Variants in FAM168A observed in about 807,000 individuals in gnomAD.
The protein encoded by FAM168A is protein FAM168A.
In FAM168A, 3 loss-of-function variants were observed where a neutral mutation model predicts 28.5. The observed-to-expected ratio is 0.11, with a 90% CI of 0.05 to 0.27. FAM168A has a LOEUF of 0.27. Among genes scored for constraint, FAM168A ranks in the 10% least tolerant of loss-of-function variants. FAM168A has a pLI of 1.00. For missense variants in FAM168A, 222 were observed against 311.5 expected (o/e 0.71, Z 2.16); for synonymous variants, 122 against 124.2 (o/e 0.98, Z 0.12).
intron 1 of FAM168A, among the ~76,000 whole-genome samples, chr11:73,578,583 G>A (rs1037539281): frequency 5.9e-5 from 9 of 152,116 alleles, no homozygotes; most frequent in Non-Finnish European, 1.2e-4. Context: ...GGGAGGCCAG[G>A]CCAAAGATTT....
At chr11:73,466,828 T>C (rs942867046) in intron 2 of FAM168A, among the ~76,000 whole-genome samples, 13 of 152,114 alleles carry the variant, frequency 8.5e-5, no homozygotes, top group Non-Finnish European at 1.8e-4. Flanking sequence ...TGGGATGCTT[T>C]GGGGAGATTT....
intron 1 of FAM168A, among the ~76,000 whole-genome samples, chr11:73,545,099 C>A (rs1943728662): frequency 7.2e-6 from 1 of 138,608 alleles, no homozygotes. Context: ...AATCTTGGCT[C>A]ACTACAACCT....
At chr11:73,576,787 T>C (rs1397807701) in intron 1 of FAM168A, among the ~76,000 whole-genome samples, 6 of 152,112 alleles carry the variant, frequency 3.9e-5, no homozygotes, top group Admixed American at 3.9e-4. Flanking sequence ...TCTACTTTAT[T>C]CACTAGGGAA....
chr11:73,417,940 C>T (rs114322371), intron 4 of FAM168A, among the ~76,000 whole-genome samples: 2,172 of 152,194 alleles, frequency 0.014, 47 homozygotes, highest in African/African-American at 0.05. Flanking sequence ...TACCTTTTTC[C>T]GGCTGTGCTG....
intron 1 of FAM168A, among the ~76,000 whole-genome samples, chr11:73,527,059 T>C (rs183713984): frequency 4.1e-4 from 63 of 152,162 alleles, no homozygotes; most frequent in African/African-American, 1.5e-3. Flanking sequence ...TATAAAGAAA[T>C]AGCAAAACTA....
chr11:73,475,106 A>G (rs1283962156), intron 1 of FAM168A, among the ~76,000 whole-genome samples: 1 of 152,144 alleles, frequency 6.6e-6, no homozygotes, highest in Non-Finnish European at 1.5e-5. Context: ...CATCTCAACT[A>G]TTTCTTTCAA....
chr11:73,552,448 T>C (rs1943840501), intron 1 of FAM168A, among the ~76,000 whole-genome samples: 1 of 152,234 alleles, frequency 6.6e-6, no homozygotes, highest in Non-Finnish European at 1.5e-5. Context: ...ATTAAATGAA[T>C]TAATTTAGGT....
intron 2 of FAM168A, among the ~76,000 whole-genome samples, chr11:73,453,221 G>A (rs772985407): frequency 2.6e-5 from 4 of 152,192 alleles, no homozygotes; most frequent in Non-Finnish European, 5.9e-5. Flanking sequence ...AACCATTACT[G>A]TTATTCATAG....
chr11:73,537,379 G>T (rs1168283888), intron 1 of FAM168A, among the ~76,000 whole-genome samples: 1 of 152,076 alleles, frequency 6.6e-6, no homozygotes, highest in Non-Finnish European at 1.5e-5. Context: ...TGGGCAACAT[G>T]GCGAAACCCC....
At chr11:73,595,912 C>G (rs772486414) in intron 1 of FAM168A, among the ~76,000 whole-genome samples, 7 of 152,140 alleles carry the variant, frequency 4.6e-5, no homozygotes, top group Non-Finnish European at 1.0e-4. Context: ...ATATGAAAAA[C>G]TCCATCAGTA....
At chr11:73,430,499 G>A (rs1172451597) in intron 3 of FAM168A, 191 bp downstream of exon 3, 1 of 565,156 alleles carries the variant, frequency 1.8e-6, no homozygotes, top group Admixed American at 2.8e-5. Flanking sequence ...GAGTGGAGGA[G>A]ATTCTATTCC....
At chr11:73,535,064 A>G (rs1943560503) in intron 1 of FAM168A, among the ~76,000 whole-genome samples, 1 of 152,202 alleles carries the variant, frequency 6.6e-6, no homozygotes, top group African/African-American at 2.4e-5. Context: ...GGAAAAACCT[A>G]AAGATACTGA....
chr11:73,545,866 A>C (rs1205764043), intron 1 of FAM168A, among the ~76,000 whole-genome samples: 1 of 151,672 alleles, frequency 6.6e-6, no homozygotes, highest in Non-Finnish European at 1.5e-5. Context: ...TCTTTATTTT[A>C]CTTAATATTC....
intron 1 of FAM168A, among the ~76,000 whole-genome samples, chr11:73,559,253 C>G (rs982163981): frequency 6.6e-6 from 1 of 152,008 alleles, no homozygotes; most frequent in Admixed American, 6.6e-5. Flanking sequence ...ACTAAAAATA[C>G]AAAATTAGCT....
chr11:73,565,880 A>G (rs1944015417), intron 1 of FAM168A, among the ~76,000 whole-genome samples: 1 of 152,210 alleles, frequency 6.6e-6, no homozygotes, highest in Non-Finnish European at 1.5e-5. Flanking sequence ...TAATAACATG[A>G]GAGAGGAGCT....
intron 1 of FAM168A, among the ~76,000 whole-genome samples, chr11:73,526,868 CAAA>C (rs61073226): frequency 0.03 from 1,573 of 51,806 alleles, 11 homozygotes; most frequent in African/African-American, 0.076. Flanking sequence ...GACTCCATCT[CAAA>C]AAAAAAAAAA....
intron 1 of FAM168A, among the ~76,000 whole-genome samples, chr11:73,564,070 C>T (rs1247221757): frequency 2.0e-5 from 3 of 152,194 alleles, no homozygotes; most frequent in Non-Finnish European, 2.9e-5. Flanking sequence ...CAGCCACACA[C>T]CTCTGTAGTG....
chr11:73,525,116 G>T (rs965677479), intron 1 of FAM168A, among the ~76,000 whole-genome samples: 2 of 149,896 alleles, frequency 1.3e-5, no homozygotes, highest in African/African-American at 2.5e-5. Context: ...TCTCTTTTTT[G>T]GGGGGTAGGG....
rs528342819 is a variant in FAM168A at position 73,483,559 on chromosome 11, CAG to C, written c.-18-15069_-18-15068del. On this transcript the variant is annotated intron_variant, in intron 1 of 7. Coordinates refer to ENST00000356467, the MANE Select transcript of FAM168A (RefSeq NM_015159.3). The stretch of plus-strand genomic sequence containing the variant: ...GAAGGATGGGTTAGCAAAGGAGAAA[CAG>C]AAAGTCTTAAAGCAGCTATCCAGGT... 1.2e-4 allele frequency among the ~76,000 whole-genome samples: 19 copies of C among 152,198 alleles called. No homozygotes were observed. The East Asian group carries it at 3.5e-3, about 28-fold the overall frequency.
Sources: gnomAD v4.1 joint callset for allele counts (sites outside exome capture counted in the v4.1 genomes callset) on GRCh38, gnomAD v4.1.1 for gene constraint, MANE v1.5 for transcripts, NCBI Gene and HGNC (gene_info 2026-07-23, HGNC 2026-07-21) for gene names.